The following PRKN variants were observed in gnomAD, a reference collection of about 807,000 sequenced individuals.
PRKN encodes the protein E3 ubiquitin-protein ligase parkin.
Under a neutral mutation model 59.5 loss-of-function variants are expected in PRKN, and 56 were observed. That is an observed-to-expected ratio of 0.94 (90% confidence interval 0.76 to 1.18). The LOEUF is 1.18. Among genes scored for constraint, PRKN ranks in the 50% most tolerant of loss-of-function variants. PRKN has a pLI of 0.00. For missense variants in PRKN, 657 were observed against 596.4 expected, an observed-to-expected ratio of 1.10 and a Z score of -1.06; for synonymous variants, 250 against 222.1, an observed-to-expected ratio of 1.13 and a Z score of -1.12.
Position 161,348,617 on chromosome 6 carries a change from CCT to C in PRKN, c.*1480_*1481del, listed in dbSNP as rs1431700617. On this transcript the variant is annotated 3_prime_UTR_variant, in exon 12 of 12. Transcript: ENST00000366898. This position sits in a 1 kb window ranked among gnomAD's most constrained non-coding sequence, Gnocchi z 4.9. ...GGATGTGGAAAACTTGAGTTCATCC[CCT>C]CTCTTCCCTCCAGCAAGGATTTCAG... 1 of 208,192 alleles carries C rather than the reference CCT, an allele frequency of 4.8e-6. No homozygotes were observed. The highest frequency in any genetic ancestry group is 2.3e-5 in the African/African-American group (1 of 43,776). 12.9% of individuals were successfully genotyped at this position (208,192 alleles called of 1,614,324 possible). A position where few individuals can be genotyped will look rare whatever the true frequency, so the allele number is the denominator to read the frequency against.
chr6:161,578,781 G>A lies in PRKN; in HGVS notation c.872-9365C>T, dbSNP rs946227371. Among the ~76,000 whole-genome samples, 1 of 152,202 alleles carries A rather than the reference G, an allele frequency of 6.6e-6. No individual in the cohort carries two copies. The highest frequency in any genetic ancestry group is 2.4e-5 in the African/African-American group (1 of 41,450). ...GACAGAGGACAAGGTAGAACATGCA[G>A]TAACAAAAGATGAAAAACACTTCTC... On this transcript the variant is annotated intron_variant, in intron 7 of 11. Coordinates refer to ENST00000366898, the MANE Select transcript of PRKN (RefSeq NM_004562.3). This position sits in a 1 kb window ranked among gnomAD's most constrained non-coding sequence, Gnocchi z 4.2.
At position 162,066,281 on chromosome 6, in the gene PRKN, G is replaced by A. The variant is rs182034324; in HGVS notation, c.535-12107C>T. Among the ~76,000 whole-genome samples, 8 of 152,186 alleles carry A rather than the reference G, an allele frequency of 5.3e-5. No individual in the cohort carries two copies. The East Asian group carries it at 1.5e-3, about 29-fold the overall frequency. The stretch of plus-strand genomic sequence containing the variant: ...CCAGCTATCTAGGCATCCTTCAATC[G>A]AATCAAGTCAACACCTAATACTAAC... On this transcript the variant is annotated intron_variant, in intron 4 of 11. Coordinates refer to ENST00000366898, the MANE Select transcript of PRKN (RefSeq NM_004562.3).
At chr6:161,995,837 G>T (rs1287410677) in intron 5 of PRKN, among the ~76,000 whole-genome samples, 1 of 152,068 alleles carries the variant, frequency 6.6e-6, no homozygotes, top group Non-Finnish European at 1.5e-5. Flanking sequence ...CTGGAAAACA[G>T]TATGCAGGCA....
At chr6:162,024,707 T>C (rs1282622610) in intron 5 of PRKN, among the ~76,000 whole-genome samples, 3 of 152,186 alleles carry the variant, frequency 2.0e-5, no homozygotes, top group Non-Finnish European at 4.4e-5. Context: ...ACCACATAGA[T>C]GCTTCAGTTC....
intron 10 of PRKN, among the ~76,000 whole-genome samples, chr6:161,370,792 C>A (rs1022517593): frequency 1.9e-4 from 29 of 152,184 alleles, no homozygotes; most frequent in Non-Finnish European, 3.8e-4. Context: ...CAAAAAAGAG[C>A]AGTTGTCATT....
intron 7 of PRKN, among the ~76,000 whole-genome samples, chr6:161,743,692 G>A (rs141233574): frequency 4.6e-5 from 7 of 152,176 alleles, no homozygotes; most frequent in Admixed American, 1.3e-4. Context: ...CGGGCACACC[G>A]TGAGCCCCGA....
At chr6:162,172,186 G>A (rs1783311816) in intron 4 of PRKN, among the ~76,000 whole-genome samples, 2 of 152,208 alleles carry the variant, frequency 1.3e-5, no homozygotes, top group Non-Finnish European at 2.9e-5. Flanking sequence ...AAGCTGCCTG[G>A]TTCTAAGTAA....
chr6:162,024,578 G>T (rs1053366158), intron 5 of PRKN, among the ~76,000 whole-genome samples: 2 of 152,156 alleles, frequency 1.3e-5, no homozygotes, highest in Non-Finnish European at 2.9e-5. Flanking sequence ...TCCTTAAAGA[G>T]ATCTTTCATC....
chr6:161,360,399 G>A lies in PRKN; in HGVS notation c.1168-194C>T, dbSNP rs868498672. Among the ~76,000 whole-genome samples the A allele has an allele frequency of 4.6e-5, 7 of 152,228 alleles. No individual in the cohort carries two copies. The highest frequency in any genetic ancestry group is 9.6e-5 in the African/African-American group (4 of 41,462). Reference sequence around the variant, plus strand: ...GGGGACACTCTCCCTGGCATGTGGCGTATGCGTAGGAGCGGGGAAGAGATT... The same window carrying A: ...GGGGACACTCTCCCTGGCATGTGGCATATGCGTAGGAGCGGGGAAGAGATT... On this transcript the variant is annotated intron_variant, in intron 10 of 11. Coordinates refer to ENST00000366898, the MANE Select transcript of PRKN (RefSeq NM_004562.3). This position sits in a 1 kb window ranked among gnomAD's most constrained non-coding sequence, Gnocchi z 5.1.
At chr6:162,182,986 G>A (rs995951784) in intron 4 of PRKN, among the ~76,000 whole-genome samples, 5 of 151,132 alleles carry the variant, frequency 3.3e-5, no homozygotes, top group Admixed American at 2.6e-4. Flanking sequence ...TTTTTTTGGT[G>A]CTTTTCTGCC....
At chr6:162,343,616 A>G (rs1365652501) in intron 2 of PRKN, among the ~76,000 whole-genome samples, 2 of 152,216 alleles carry the variant, frequency 1.3e-5, no homozygotes, top group Non-Finnish European at 2.9e-5. Flanking sequence ...AGGATCAAAC[A>G]ACATTTAACT....
chr6:161,886,597 T>G (rs1562365857), intron 6 of PRKN, among the ~76,000 whole-genome samples: 1 of 152,014 alleles, frequency 6.6e-6, no homozygotes, highest in Non-Finnish European at 1.5e-5. Context: ...TCAGGAAGGC[T>G]GAGGCAGGAG....
chr6:161,785,826 T>G lies in PRKN; in HGVS notation c.817A>C (p.Asn273His), dbSNP rs1212684133. ...CFHLYCVTRL[N>H]DRQFVHDPQL... ...GGGTCGTGAACAAACTGCCGATCAT[T>G]GAGTCTTGTCACACAGTATAAGTGG... is the stretch of plus-strand genomic sequence containing the variant. Residue 273 changes from asparagine to histidine, a missense_variant, in exon 7 of 12, where the codon AAT becomes CAT. Transcript: ENST00000366898. The G allele has an allele frequency of 6.2e-7, 1 of 1,614,138 alleles. No homozygotes were observed. The highest frequency in any genetic ancestry group is 1.7e-5 in the Admixed American group (1 of 60,022).
chr6:161,510,269 T>C (rs1224332514), intron 9 of PRKN, among the ~76,000 whole-genome samples: 1 of 152,222 alleles, frequency 6.6e-6, no homozygotes, highest in African/African-American at 2.4e-5. Flanking sequence ...TGATGCTTTG[T>C]AATAACTCAA....
chr6:162,228,688 T>C (rs935632470), intron 3 of PRKN, among the ~76,000 whole-genome samples: 3 of 152,176 alleles, frequency 2.0e-5, no homozygotes, highest in Non-Finnish European at 4.4e-5. Flanking sequence ...ATTAAAAATC[T>C]TCACTTTAAT....
chr6:161,381,341 A>C (rs955575549), intron 10 of PRKN, among the ~76,000 whole-genome samples: 5 of 152,182 alleles, frequency 3.3e-5, no homozygotes, highest in African/African-American at 1.2e-4. Flanking sequence ...CCTGGGTAAA[A>C]TAATGGTCTG....
rs1372764075 is a variant in PRKN, at chr6:161,554,141, A to C, written c.934-5138T>G. ...TACCTCTGTTGCTCCTTTCTTCCAC[A>C]CTGGTTCTCAAGAACACAGAAGATG... On this transcript the variant is annotated intron_variant, in intron 8 of 11. Transcript: ENST00000366898. The surrounding 1 kb of genome is among the most constrained non-coding windows in gnomAD (Gnocchi z 4.5). Among the ~76,000 whole-genome samples, 2 of 152,078 alleles carry C rather than the reference A, an allele frequency of 1.3e-5. No homozygotes were observed. The highest frequency in any genetic ancestry group is 4.8e-5 in the African/African-American group (2 of 41,400).
intron 7 of PRKN, among the ~76,000 whole-genome samples, chr6:161,741,560 A>C (rs182959569): frequency 6.6e-6 from 1 of 152,106 alleles, no homozygotes; most frequent in Non-Finnish European, 1.5e-5. Context: ...CAGGTTCTTC[A>C]TCCTTCAGAC....
intron 7 of PRKN, among the ~76,000 whole-genome samples, chr6:161,737,823 T>C (rs1788028180): frequency 6.6e-6 from 1 of 152,198 alleles, no homozygotes; most frequent in African/African-American, 2.4e-5. Context: ...ATGCGATTTC[T>C]GGCTAGTTAC....
Sources: allele counts gnomAD v4.1 joint callset (sites outside exome capture counted in the v4.1 genomes callset), GRCh38; gene constraint gnomAD v4.1.1; non-coding constraint Gnocchi (gnomAD v3.1); transcripts MANE v1.5; gene names NCBI Gene and HGNC (gene_info 2026-07-23, HGNC 2026-07-21).